Variants in ARHGAP26 observed in about 807,000 individuals in gnomAD.
ARHGAP26 encodes the protein rho GTPase-activating protein 26.
ARHGAP26 carries 38 observed loss-of-function variants against 104.8 expected under a neutral mutation model. The observed-to-expected ratio is 0.36, with a 90% CI of 0.28 to 0.48. The LOEUF (loss-of-function observed/expected upper bound fraction) is 0.48. ARHGAP26 is among the 20% of genes least tolerant of loss of function. The probability of loss-of-function intolerance (pLI) is 0.99; values close to 1 mark genes in which losing one functional copy is unlikely to be tolerated. For synonymous variants in ARHGAP26, 341 were observed against 340.0 expected (o/e 1.00, Z -0.03); for missense variants, 704 against 947.9 (o/e 0.74, Z 3.38).
At chr5:143,012,560 T>TATATATATATATAC (rs1562259768) in intron 11 of ARHGAP26, among the ~76,000 whole-genome samples, 5 of 70,628 alleles carry the variant, frequency 7.1e-5, no homozygotes, top group Non-Finnish European at 1.7e-4. Context: ...TACATATATA[T>TATATATATATATAC]ATATATATAT....
Position 143,092,843 on chromosome 5 carries a change from C to T in ARHGAP26, c.1539-28145C>T, listed in dbSNP as rs111848133. ...CTTGACTGAGTGCAAACAGCTCCCA[C>T]GTCTGAGCAGACCAATTATTAGGCA... On this transcript the variant is annotated intron_variant, in intron 17 of 22. Transcript: ENST00000645722. Among the ~76,000 whole-genome samples the T allele has an allele frequency of 6.3e-3, 956 of 152,340 alleles. 12 individuals are homozygous for T. Among genetic ancestry groups the T allele is most frequent in the Non-Finnish European group, 0.01 (709 of 68,020 alleles).
chr5:142,982,192 A>G (rs1407653873), intron 11 of ARHGAP26, among the ~76,000 whole-genome samples: 3 of 152,234 alleles, frequency 2.0e-5, no homozygotes, highest in African/African-American at 7.2e-5. Flanking sequence ...CCCAAGGCAA[A>G]GGTGGAAAAC....
chr5:143,163,358 A>G (rs190157486), intron 20 of ARHGAP26, among the ~76,000 whole-genome samples: 4 of 152,320 alleles, frequency 2.6e-5, no homozygotes, highest in Non-Finnish European at 4.4e-5. Flanking sequence ...TTCGTTTTCT[A>G]GATCTGCCTT....
At chr5:143,183,515 G>A (rs1804703540) in intron 20 of ARHGAP26, among the ~76,000 whole-genome samples, 1 of 152,176 alleles carries the variant, frequency 6.6e-6, no homozygotes, top group Admixed American at 6.5e-5. Flanking sequence ...CCGGGAGTTG[G>A]CCTTATCCTG....
intron 17 of ARHGAP26, among the ~76,000 whole-genome samples, chr5:143,081,991 CAG>C (rs1562387093): frequency 8.9e-6 from 1 of 112,650 alleles, no homozygotes; most frequent in Admixed American, 1.3e-4. Flanking sequence ...GCCTGGGTAA[CAG>C]AGGGAGACTC....
intron 20 of ARHGAP26, among the ~76,000 whole-genome samples, chr5:143,159,331 C>G (rs1045336087): frequency 6.6e-6 from 1 of 152,182 alleles, no homozygotes; most frequent in Admixed American, 6.5e-5. Context: ...AAGATTGTGT[C>G]TGGAGAGGCA....
chr5:142,819,208 CT>C (rs1417961762), intron 1 of ARHGAP26, among the ~76,000 whole-genome samples: 2 of 152,174 alleles, frequency 1.3e-5, no homozygotes, highest in Admixed American at 1.3e-4. Context: ...CCTCAGTTTG[CT>C]TGTCTAACGT....
At chr5:143,030,203 G>T (rs1781656492) in intron 12 of ARHGAP26, among the ~76,000 whole-genome samples, 1 of 152,190 alleles carries the variant, frequency 6.6e-6, no homozygotes. Flanking sequence ...TGAGGAATCA[G>T]GTCTCACGGG....
In ARHGAP26 at chr5:142,834,990, T is replaced by A. The variant is rs78411527; in HGVS notation, c.155-38410T>A. 9.6e-3 allele frequency among the ~76,000 whole-genome samples: 1,460 copies of A among 152,358 alleles called. 25 individuals are homozygous for A. Among genetic ancestry groups the A allele is most frequent in the African/African-American group, 0.034 (1,402 of 41,576 alleles). ...TATAATACTGAGACTCTGTTCCACC[T>A]GGTTCACGTGTGAACACTGTCAGTT... On this transcript the variant is annotated intron_variant, in intron 1 of 22. Coordinates refer to ENST00000645722, the MANE Select transcript of ARHGAP26 (RefSeq NM_001135608.3).
At position 143,045,991 on chromosome 5, in the gene ARHGAP26, A is replaced by T. The variant is rs552978041; in HGVS notation, c.1285+4101A>T. On this transcript the variant is annotated intron_variant, in intron 14 of 22. Coordinates refer to ENST00000645722, the MANE Select transcript of ARHGAP26 (RefSeq NM_001135608.3). ...TACTAAAAATACAAAAAAATTAGTC[A>T]GGTGTGGTGGTGCACACCTGTAATC... Among the ~76,000 whole-genome samples, 205 of 152,184 alleles carry T rather than the reference A, an allele frequency of 1.3e-3. 1 individual carries two copies. The highest frequency in any genetic ancestry group is 4.7e-3 in the African/African-American group (195 of 41,522).
intron 18 of ARHGAP26, among the ~76,000 whole-genome samples, chr5:143,128,048 G>T (rs2150853020): frequency 6.6e-6 from 1 of 152,150 alleles, no homozygotes; most frequent in Non-Finnish European, 1.5e-5. Context: ...TCCTCTCCTT[G>T]TTAGGGTTCA....
rs73799014 is a variant in ARHGAP26 at position 142,874,194 on chromosome 5, A to G, written c.250+699A>G. On this transcript the variant is annotated intron_variant, in intron 2 of 22. Coordinates refer to ENST00000645722, the MANE Select transcript of ARHGAP26 (RefSeq NM_001135608.3). ...ACCACGGTGTGTTGCTTCACTCTTC[A>G]CCATCACCTGCCTTGGTCTGTAGGC... 1.9e-3 allele frequency among the ~76,000 whole-genome samples: 293 copies of G among 152,234 alleles called. 2 individuals are homozygous for G. The highest frequency in any genetic ancestry group is 6.5e-3 in the African/African-American group (269 of 41,534).
At chr5:142,961,411 G>A (rs1039930846) in intron 11 of ARHGAP26, among the ~76,000 whole-genome samples, 1 of 152,134 alleles carries the variant, frequency 6.6e-6, no homozygotes, top group Non-Finnish European at 1.5e-5. Context: ...AGGATTGATC[G>A]AGGTTGGGAG....
rs117190482 is a variant in ARHGAP26 at position 142,833,752 on chromosome 5, C to A, written c.155-39648C>A. Among the ~76,000 whole-genome samples, 838 of 152,290 alleles carry A rather than the reference C, an allele frequency of 5.5e-3. 18 individuals are homozygous for A. In the East Asian group the frequency reaches 0.061, roughly 11 times the overall value. ...AGAGGAGAATGAGATGTGGCCACTA[C>A]CCCTACAGAGTCTGTGTAATCTACC... is the stretch of plus-strand genomic sequence containing the variant. On this transcript the variant is annotated intron_variant, in intron 1 of 22. Coordinates refer to ENST00000645722, the MANE Select transcript of ARHGAP26 (RefSeq NM_001135608.3).
At chr5:142,793,629 C>T (rs138958633) in intron 1 of ARHGAP26, among the ~76,000 whole-genome samples, 5,223 of 151,874 alleles carry the variant, frequency 0.034, 194 homozygotes, top group East Asian at 0.18. Context: ...ACTCTGTCAC[C>T]CAAGCTGGAG....
chr5:142,963,187 T>TATATATATATATACAC (rs1562164634), intron 11 of ARHGAP26, among the ~76,000 whole-genome samples: 3 of 96,198 alleles, frequency 3.1e-5, no homozygotes, highest in African/African-American at 5.7e-5. Context: ...TATATATATA[T>TATATATATATATACAC]ATATATATAT....
rs549476842 is a variant in ARHGAP26 at position 142,839,379 on chromosome 5, T to C, written c.155-34021T>C. ...AATCCTTTGAAGGTTTTTTTTTTTA[T>C]TTCTTTTACAGATATAGGAAGCTAA... On this transcript the variant is annotated intron_variant, in intron 1 of 22. Coordinates refer to ENST00000645722, the MANE Select transcript of ARHGAP26 (RefSeq NM_001135608.3). Among the ~76,000 whole-genome samples, 992 of 152,134 alleles carry C rather than the reference T, an allele frequency of 6.5e-3. 9 individuals carry two copies. The highest frequency in any genetic ancestry group is 0.031 in the Middle Eastern group (9 of 292).
At chr5:142,873,853 G>C (rs915813222) in intron 2 of ARHGAP26, among the ~76,000 whole-genome samples, 1 of 152,198 alleles carries the variant, frequency 6.6e-6, no homozygotes, top group African/African-American at 2.4e-5. Context: ...GGGAAATTTA[G>C]ATCAGAGGTT....
intron 20 of ARHGAP26, among the ~76,000 whole-genome samples, chr5:143,154,160 T>TAAAAA (rs10650559): frequency 0.2 from 28,159 of 142,224 alleles, 3,401 homozygotes; most frequent in East Asian, 0.34. Context: ...TTAAAAATAT[T>TAAAAA]AAAAAAAAAA....
Sources: gnomAD v4.1 joint callset for allele counts (sites outside exome capture counted in the v4.1 genomes callset) on GRCh38, gnomAD v4.1.1 for gene constraint, MANE v1.5 for transcripts, NCBI Gene and HGNC (gene_info 2026-07-23, HGNC 2026-07-21) for gene names.